Variants in WDFY3 observed in about 807,000 individuals in gnomAD.
WDFY3 encodes the protein WD repeat and FYVE domain containing 3, also known as WD repeat and FYVE domain-containing protein 3.
In WDFY3, 66 loss-of-function variants were observed where a neutral mutation model predicts 409.6. That is an observed-to-expected ratio of 0.16 (90% confidence interval 0.13 to 0.20). The LOEUF (loss-of-function observed/expected upper bound fraction) is 0.20. WDFY3 is among the 10% of genes least tolerant of loss of function. The pLI is 1.00. For missense variants in WDFY3, 3,031 were observed against 4,298.1 expected (o/e 0.71, Z 8.24); for synonymous variants, 1,521 against 1,537.1 (o/e 0.99, Z 0.25).
At chr4:84,827,850 C>T (rs1390615051) in intron 9 of WDFY3, among the ~76,000 whole-genome samples, 1 of 152,104 alleles carries the variant, frequency 6.6e-6, no homozygotes, top group East Asian at 1.9e-4. Flanking sequence ...GGCATGGTGG[C>T]TCACACCTAA....
intron 1 of WDFY3, among the ~76,000 whole-genome samples, chr4:84,948,513 C>A (rs1273275850): frequency 6.6e-6 from 1 of 152,190 alleles, no homozygotes; most frequent in African/African-American, 2.4e-5. Context: ...TCGCCTGTCA[C>A]TTAAATCCTA....
At chr4:84,942,782 G>A (rs1304742668) in intron 1 of WDFY3, among the ~76,000 whole-genome samples, 1 of 152,126 alleles carries the variant, frequency 6.6e-6, no homozygotes, top group Non-Finnish European at 1.5e-5. Flanking sequence ...TTATTGAATT[G>A]TGAGAGTTCT....
At chr4:84,804,593 A>G (rs1751204302) in intron 15 of WDFY3, among the ~76,000 whole-genome samples, 1 of 152,204 alleles carries the variant, frequency 6.6e-6, no homozygotes, top group African/African-American at 2.4e-5. Context: ...TTTCATTCAA[A>G]AAGATTTAAT....
chr4:84,842,576 G>A (rs1296014293), intron 5 of WDFY3, among the ~76,000 whole-genome samples: 1 of 151,522 alleles, frequency 6.6e-6, no homozygotes, highest in African/African-American at 2.4e-5. Flanking sequence ...TCAGGAGATC[G>A]AGGCCATCTT....
At chr4:84,784,891 T>TATATATATATATATATACACAC (rs1238884117) in intron 24 of WDFY3, among the ~76,000 whole-genome samples, 1 of 36,916 alleles carries the variant, frequency 2.7e-5, no homozygotes, top group African/African-American at 7.7e-5. Context: ...TATATATATA[T>TATATATATATATATATACACAC]ACACACACAC....
At chr4:84,957,122 A>G (rs1389773395) in intron 1 of WDFY3, among the ~76,000 whole-genome samples, 2 of 152,104 alleles carry the variant, frequency 1.3e-5, no homozygotes, top group Admixed American at 1.3e-4. Flanking sequence ...CAACTCAGTC[A>G]TAAGCATTAA....
intron 2 of WDFY3, among the ~76,000 whole-genome samples, chr4:84,924,950 T>C (rs1252753286): frequency 1.3e-5 from 2 of 152,210 alleles, no homozygotes; most frequent in Non-Finnish European, 2.9e-5. Context: ...ACATGTATAC[T>C]TCCATGAAAA....
At chr4:84,932,016 A>T (rs1443772095) in intron 2 of WDFY3, among the ~76,000 whole-genome samples, 1 of 152,210 alleles carries the variant, frequency 6.6e-6, no homozygotes, top group African/African-American at 2.4e-5. Flanking sequence ...CAAGAAAAGT[A>T]ATATTGATTT....
intron 35 of WDFY3, among the ~76,000 whole-genome samples, chr4:84,752,784 ACAT>A (rs1740760665): frequency 6.6e-6 from 1 of 152,126 alleles, no homozygotes; most frequent in Admixed American, 6.5e-5. Context: ...ATATGAAGAA[ACAT>A]CATGAAATTT....
intron 16 of WDFY3, 57 bp from the exon 17 acceptor site, chr4:84,801,921 A>T: frequency 6.5e-6 from 10 of 1,537,658 alleles, no homozygotes; most frequent in Non-Finnish European, 8.0e-6. Flanking sequence ...AAAGATGACA[A>T]TTCTTTTCAC....
intron 1 of WDFY3, among the ~76,000 whole-genome samples, chr4:84,937,336 G>A (rs1771554368): frequency 6.6e-6 from 1 of 151,858 alleles, no homozygotes; most frequent in Non-Finnish European, 1.5e-5. Context: ...CTATCTCATC[G>A]ACCTCTCCTT....
At chr4:84,791,293 C>T (rs1748477561) in intron 21 of WDFY3, among the ~76,000 whole-genome samples, 1 of 152,016 alleles carries the variant, frequency 6.6e-6, no homozygotes. Flanking sequence ...ATGAAATAGC[C>T]AGTCATAGAA....
chr4:84,734,410 T>C (rs533648172), intron 43 of WDFY3, among the ~76,000 whole-genome samples: 2 of 152,348 alleles, frequency 1.3e-5, no homozygotes, highest in Non-Finnish European at 2.9e-5. Flanking sequence ...ACAGTAGTAC[T>C]GATATGTTCT....
intron 1 of WDFY3, among the ~76,000 whole-genome samples, chr4:84,940,991 T>G (rs1209651229): frequency 6.6e-6 from 1 of 152,002 alleles, no homozygotes; most frequent in East Asian, 1.9e-4. Flanking sequence ...AAAGCTCTAC[T>G]AAACCAGGAA....
chr4:84,842,867 A>C (rs1461705594), intron 5 of WDFY3, among the ~76,000 whole-genome samples: 1 of 152,250 alleles, frequency 6.6e-6, no homozygotes, highest in Non-Finnish European at 1.5e-5. Context: ...AGGTTATCTT[A>C]GATGTATTTT....
chr4:84,925,644 G>A (rs1449318487), intron 2 of WDFY3, among the ~76,000 whole-genome samples: 2 of 152,172 alleles, frequency 1.3e-5, no homozygotes, highest in East Asian at 1.9e-4. Context: ...GACAACTGGA[G>A]AATTAAGATA....
chr4:84,941,880 T>C lies in WDFY3; in HGVS notation c.-225-9517A>G, dbSNP rs143188974. ...AACAGATACACACAAACATGGTCAA[T>C]TGATTTTTGACAAAGATGTCAAGCA... On this transcript the variant is annotated intron_variant, in intron 1 of 67. Transcript: ENST00000295888. Among the ~76,000 whole-genome samples, 809 of 152,048 alleles carry C rather than the reference T, an allele frequency of 5.3e-3. 9 individuals are homozygous for C. The highest frequency in any genetic ancestry group is 0.018 in the African/African-American group (758 of 41,498).
At chr4:84,699,355 T>C (rs1026404984) in intron 56 of WDFY3, among the ~76,000 whole-genome samples, 17 of 152,344 alleles carry the variant, frequency 1.1e-4, no homozygotes, top group Admixed American at 9.8e-4. Flanking sequence ...CGTAATGTTT[T>C]TGAGGTTCAA....
chr4:84,918,281 GCTAGAAA>G (rs572719095), intron 2 of WDFY3, among the ~76,000 whole-genome samples: 397 of 152,238 alleles, frequency 2.6e-3, no homozygotes, highest in Non-Finnish European at 4.6e-3. Context: ...ACTATAAAAT[GCTAGAAA>G]CTATCTGGAT....
Sources: allele counts gnomAD v4.1 joint callset (sites outside exome capture counted in the v4.1 genomes callset), GRCh38; gene constraint gnomAD v4.1.1; transcripts MANE v1.5; gene names NCBI Gene and HGNC (gene_info 2026-07-23, HGNC 2026-07-21).